The following SP140 variants were observed in gnomAD, a reference collection of about 807,000 sequenced individuals.
The protein encoded by SP140 is nuclear body protein SP140.
SP140 carries 81 observed loss-of-function variants against 125.0 expected under a neutral mutation model. The ratio of observed to expected loss-of-function variants is 0.65; its 90% confidence interval spans 0.54 to 0.78. The LOEUF is 0.78. SP140 is among the 30% of genes least tolerant of loss of function. SP140 has a pLI of 0.00. For synonymous variants in SP140, 312 were observed against 354.0 expected (o/e 0.88, Z 1.33); for missense variants, 858 against 1,037.0 (o/e 0.83, Z 2.37).
At chr2:230,316,140 G>A (rs1345865344), downstream of SP140, among the ~76,000 whole-genome samples, 2 of 152,190 alleles carry the variant, frequency 1.3e-5, no homozygotes, top group Non-Finnish European at 2.9e-5. Context: ...CTGGATTGAT[G>A]ACAGTATGTT....
At chr2:230,290,211 C>G (rs1440486374) in intron 18 of SP140, among the ~76,000 whole-genome samples, 1 of 152,086 alleles carries the variant, frequency 6.6e-6, no homozygotes, top group African/African-American at 2.4e-5. Context: ...GGAGTTAAAC[C>G]AGTTTTACTG....
At chr2:230,206,285 T>G (rs1033436907) in intron 1 of SP140, among the ~76,000 whole-genome samples, 9 of 152,036 alleles carry the variant, frequency 5.9e-5, no homozygotes, top group Admixed American at 2.0e-4. Context: ...AAAATTTTTC[T>G]TAAATTTTCC....
chr2:230,297,293 C>G lies in SP140; in HGVS notation c.2017-128C>G, dbSNP rs576734924. On this transcript the variant is annotated intron_variant, in intron 21 of 26. Transcript: ENST00000392045. ...AGCCACCCCAGCCTACTGGCCTTCT[C>G]TCTTCCCAATTATTTTTTAACAACT... 4.3e-6 allele frequency: 5 copies of G among 1,155,262 alleles called. No homozygotes were observed. In the South Asian group the frequency reaches 4.7e-5, roughly 11 times the overall value. 71.6% of individuals were successfully genotyped at this position (1,155,262 alleles called of 1,614,324 possible). A position where few individuals can be genotyped will look rare whatever the true frequency, so the allele number is the denominator to read the frequency against.
chr2:230,188,471 C>A, the SP140 span, among the ~76,000 whole-genome samples: 1 of 151,996 alleles, frequency 6.6e-6, no homozygotes, highest in Non-Finnish European at 1.5e-5. Flanking sequence ...ATTTGGATGT[C>A]ATTTATTTCT....
upstream of SP140, among the ~76,000 whole-genome samples, chr2:230,198,815 C>T (rs2042994274): frequency 6.6e-6 from 1 of 152,166 alleles, no homozygotes; most frequent in South Asian, 2.1e-4. Flanking sequence ...CCAGACTGGT[C>T]TTGAACTTCC....
At chr2:230,238,955 TGA>T in intron 3 of SP140, 1 of 1,531,764 alleles carries the variant, frequency 6.5e-7, no homozygotes, top group Non-Finnish European at 8.8e-7. Flanking sequence ...AGGCAGGGTG[TGA>T]GAGCTGACTC....
At chr2:230,270,876 T>A in intron 15 of SP140, 1 of 560,786 alleles carries the variant, frequency 1.8e-6, no homozygotes, top group Non-Finnish European at 3.4e-6. Flanking sequence ...GGGGAGATGA[T>A]CCTGGGTTAT....
At chr2:230,193,623 T>C in the SP140 span, among the ~76,000 whole-genome samples, 1 of 152,352 alleles carries the variant, frequency 6.6e-6, no homozygotes, top group East Asian at 1.9e-4. Context: ...AAACTTAGCT[T>C]TGCCAGATAC....
intron 14 of SP140, 62 bp downstream of exon 14, chr2:230,270,015 G>A (rs898144907): frequency 9.3e-7 from 1 of 1,074,084 alleles, no homozygotes; most frequent in Non-Finnish European, 1.4e-6. Flanking sequence ...ACCCCCAGTA[G>A]GGTGGAGGTA....
At chr2:230,221,955 T>C (rs2045855334), upstream of SP140, among the ~76,000 whole-genome samples, 1 of 152,212 alleles carries the variant, frequency 6.6e-6, no homozygotes, top group Non-Finnish European at 1.5e-5. Context: ...CTGGGCACAG[T>C]GGCTCAGGCC....
intron 17 of SP140, among the ~76,000 whole-genome samples, chr2:230,287,361 G>A (rs1575220337): frequency 6.6e-6 from 1 of 152,246 alleles, no homozygotes; most frequent in East Asian, 1.9e-4. Flanking sequence ...ACACCTAATA[G>A]GGTTTCCCTT....
chr2:230,269,865 GA>G lies in SP140; in HGVS notation c.1358del (p.Lys453SerfsTer58). ...GAEQSAYENE[K>X]CSCVMCFSEE... ...CGGAGCAATCAGCATATGAAAATGA[GA>G]AGTGTTCCTGTGTCATGTGTTTCTC... is the stretch of plus-strand genomic sequence containing the variant. On this transcript the variant is annotated frameshift_variant, in exon 14 of 27. Transcript: ENST00000392045. LOFTEE classifies it high-confidence loss of function. 1 of 1,614,060 alleles carries G rather than the reference GA, an allele frequency of 6.2e-7. No individual in the cohort carries two copies. The highest frequency in any genetic ancestry group is 8.5e-7 in the Non-Finnish European group (1 of 1,179,924).
chr2:230,287,232 A>C (rs2056499772), intron 17 of SP140, among the ~76,000 whole-genome samples: 1 of 152,142 alleles, frequency 6.6e-6, no homozygotes, highest in African/African-American at 2.4e-5. Context: ...AGATCCTAAT[A>C]TTTATTTTGT....
upstream of SP140, among the ~76,000 whole-genome samples, chr2:230,224,308 G>C (rs2046064266): frequency 6.6e-6 from 1 of 152,162 alleles, no homozygotes; most frequent in African/African-American, 2.4e-5. Flanking sequence ...AGAGAGAGAG[G>C]GGATGCTGGA....
At chr2:230,283,370 C>T (rs1211906029) in intron 15 of SP140, among the ~76,000 whole-genome samples, 1 of 152,136 alleles carries the variant, frequency 6.6e-6, no homozygotes, top group Non-Finnish European at 1.5e-5. Context: ...TTAGACTTTC[C>T]ATCTACAAAA....
chr2:230,286,728 G>A (rs1220924913), intron 17 of SP140, among the ~76,000 whole-genome samples: 1 of 152,146 alleles, frequency 6.6e-6, no homozygotes, highest in Admixed American at 6.5e-5. Flanking sequence ...TTACATATGT[G>A]GCCTGGTGCA....
At chr2:230,278,292 T>C (rs534646834) in intron 15 of SP140, among the ~76,000 whole-genome samples, 17 of 152,124 alleles carry the variant, frequency 1.1e-4, no homozygotes, top group Non-Finnish European at 2.2e-4. Context: ...TGGGAAAACA[T>C]TTATTAAGAT....
chr2:230,250,770 C>A (rs1432333028), intron 9 of SP140, among the ~76,000 whole-genome samples: 1 of 152,104 alleles, frequency 6.6e-6, no homozygotes, highest in African/African-American at 2.4e-5. Context: ...GGAGTCCAGG[C>A]AGCAAGTGAG....
chr2:230,314,449 A>G (rs969821135), downstream of SP140, among the ~76,000 whole-genome samples: 2 of 152,236 alleles, frequency 1.3e-5, no homozygotes, highest in African/African-American at 4.8e-5. Flanking sequence ...GGAAGGGTGA[A>G]ATGTGAAACC....
Sources: allele counts gnomAD v4.1 joint callset (sites outside exome capture counted in the v4.1 genomes callset), GRCh38; gene constraint gnomAD v4.1.1; transcripts MANE v1.5; gene names NCBI Gene and HGNC (gene_info 2026-07-23, HGNC 2026-07-21).